Variants in TNFSF4 observed in about 807,000 individuals in gnomAD.
The protein encoded by TNFSF4 is tumor necrosis factor ligand superfamily member 4.
TNFSF4 carries 4 observed loss-of-function variants against 7.3 expected under a neutral mutation model. The observed-to-expected ratio is 0.55, with a 90% CI of 0.27 to 1.25. The LOEUF (loss-of-function observed/expected upper bound fraction) is 1.25, where lower values mean the gene tolerates loss of function less well. Among genes scored for constraint, TNFSF4 ranks in the 50% most tolerant of loss-of-function variants. The pLI, the probability that TNFSF4 is intolerant of heterozygous loss-of-function variation, is 0.12. For missense variants in TNFSF4, 181 were observed against 208.8 expected (o/e 0.87, Z 0.82); for synonymous variants, 76 against 83.7 (o/e 0.91, Z 0.50).
At chr1:173,334,378 A>T in the TNFSF4 span, among the ~76,000 whole-genome samples, 1 of 152,204 alleles carries the variant, frequency 6.6e-6, no homozygotes, top group Non-Finnish European at 1.5e-5. Context: ...GAATATAATG[A>T]CATTCGCCAC....
chr1:173,276,296 A>G, the TNFSF4 span, among the ~76,000 whole-genome samples: 1 of 152,118 alleles, frequency 6.6e-6, no homozygotes, highest in Non-Finnish European at 1.5e-5. Context: ...ATTTTTCATG[A>G]GGAAGACACT....
chr1:173,319,436 A>G, the TNFSF4 span, among the ~76,000 whole-genome samples: 1 of 152,144 alleles, frequency 6.6e-6, no homozygotes, highest in Admixed American at 6.5e-5. Context: ...AATCTTTTGT[A>G]CCTGCTGACT....
chr1:173,314,986 A>C, the TNFSF4 span, among the ~76,000 whole-genome samples: 1 of 152,162 alleles, frequency 6.6e-6, no homozygotes, highest in African/African-American at 2.4e-5. Context: ...CACAGTGGAA[A>C]CTCAAAGGAG....
chr1:173,417,666 G>A, the TNFSF4 span: 1 of 152,124 alleles, frequency 6.6e-6, no homozygotes, highest in African/African-American at 2.4e-5. Context: ...ACAAAGATGA[G>A]ATCTCACCTC....
the TNFSF4 span, among the ~76,000 whole-genome samples, chr1:173,236,000 TAAAA>T: frequency 1.3e-5 from 2 of 152,124 alleles, no homozygotes; most frequent in African/African-American, 4.8e-5. Flanking sequence ...TTCACCAACT[TAAAA>T]AAATATATAG....
chr1:173,368,437 ACC>A, the TNFSF4 span, among the ~76,000 whole-genome samples: 2 of 152,006 alleles, frequency 1.3e-5, no homozygotes, highest in African/African-American at 4.8e-5. Flanking sequence ...GTACCATTGG[ACC>A]CCTGTTGCTT....
chr1:173,396,792 G>C, the TNFSF4 span, among the ~76,000 whole-genome samples: 1 of 152,176 alleles, frequency 6.6e-6, no homozygotes, highest in African/African-American at 2.4e-5. Flanking sequence ...GTCATTTAAG[G>C]CCTGCTCATT....
chr1:173,447,651 C>T, the TNFSF4 span, among the ~76,000 whole-genome samples: 562 of 150,314 alleles, frequency 3.7e-3, no homozygotes, highest in Middle Eastern at 6.9e-3. Context: ...TTGATGGGTT[C>T]GACAGCAAAA....
the TNFSF4 span, among the ~76,000 whole-genome samples, chr1:173,320,022 A>C: frequency 6.6e-6 from 1 of 152,188 alleles, no homozygotes; most frequent in African/African-American, 2.4e-5. Context: ...GCAGAGACAC[A>C]CACACAAAAA....
At chr1:173,248,382 G>A in the TNFSF4 span, among the ~76,000 whole-genome samples, 331 of 125,926 alleles carry the variant, frequency 2.6e-3, 2 homozygotes, top group Non-Finnish European at 4.1e-3. Flanking sequence ...AAAGAAAGAA[G>A]GAAAGAAAGA....
chr1:173,207,350 T>G, upstream of TNFSF4: 1 of 506,286 alleles, frequency 2.0e-6, no homozygotes, highest in African/African-American at 2.0e-5. Context: ...AAGCGGACTC[T>G]CTCAGTTTTA....
At chr1:173,395,586 T>C in the TNFSF4 span, among the ~76,000 whole-genome samples, 2 of 151,548 alleles carry the variant, frequency 1.3e-5, no homozygotes, top group Non-Finnish European at 2.9e-5. Context: ...ATGTGTGCCC[T>C]GAAGGAAGCC....
intron 1 of TNFSF4, among the ~76,000 whole-genome samples, chr1:173,206,609 T>C (rs528294015): frequency 6.6e-6 from 1 of 152,316 alleles, no homozygotes; most frequent in East Asian, 1.9e-4. Context: ...CTATAGGGTA[T>C]ATGAATATTA....
the TNFSF4 span, among the ~76,000 whole-genome samples, chr1:173,448,247 C>T: frequency 1.3e-5 from 2 of 152,148 alleles, no homozygotes; most frequent in Non-Finnish European, 2.9e-5. Context: ...ACCCAAACAA[C>T]GTTATGTCCA....
chr1:173,338,630 T>C, the TNFSF4 span, among the ~76,000 whole-genome samples: 1 of 152,048 alleles, frequency 6.6e-6, no homozygotes, highest in Admixed American at 6.6e-5. Context: ...ATAGCTAGGG[T>C]CCGGGATTCA....
chr1:173,351,941 C>G, the TNFSF4 span: 24 of 529,356 alleles, frequency 4.5e-5, no homozygotes, highest in Middle Eastern at 5.1e-4. Flanking sequence ...AACAGAAAGC[C>G]AAATCTCACC....
chr1:173,419,087 C>A, the TNFSF4 span, among the ~76,000 whole-genome samples: 1 of 152,188 alleles, frequency 6.6e-6, no homozygotes, highest in African/African-American at 2.4e-5. Context: ...CGCCTGTAAT[C>A]CCAGCACTTT....
the TNFSF4 span, among the ~76,000 whole-genome samples, chr1:173,248,152 G>T: frequency 1.1e-4 from 17 of 152,142 alleles, no homozygotes; most frequent in African/African-American, 4.1e-4. Flanking sequence ...TCAGGAGATT[G>T]AGACCATCCT....
chr1:173,308,132 T>G, the TNFSF4 span, among the ~76,000 whole-genome samples: 4 of 152,006 alleles, frequency 2.6e-5, no homozygotes, highest in Non-Finnish European at 5.9e-5. Context: ...CAATATGTGT[T>G]GCAAATATCT....
Sources: allele counts gnomAD v4.1 joint callset (sites outside exome capture counted in the v4.1 genomes callset), GRCh38; gene constraint gnomAD v4.1.1; transcripts MANE v1.5; gene names NCBI Gene and HGNC (gene_info 2026-07-23, HGNC 2026-07-21).